ASB3: variants seen among roughly 807,000 people sequenced by gnomAD.
The protein encoded by ASB3 is ankyrin repeat and SOCS box protein 3.
A neutral mutation model predicts 54.5 loss-of-function variants in ASB3; 41 were observed. The ratio of observed to expected loss-of-function variants is 0.75; its 90% CI spans 0.59 to 0.98. The LOEUF (loss-of-function observed/expected upper bound fraction) is 0.98, where lower values mean the gene tolerates loss of function less well. ASB3 is among the 50% of genes least tolerant of loss of function. The probability of loss-of-function intolerance (pLI) is 0.00; values close to 1 mark genes in which losing one functional copy is unlikely to be tolerated. For missense variants in ASB3, 733 were observed against 620.0 expected (o/e 1.18, Z -1.94); for synonymous variants, 266 against 221.2 (o/e 1.20, Z -1.80).
At chr2:53,693,721 A>C (rs111362879) in intron 9 of ASB3, among the ~76,000 whole-genome samples, 163 bp downstream of exon 9, 1,701 of 152,258 alleles carry the variant, frequency 0.011, 39 homozygotes, top group African/African-American at 0.037. Flanking sequence ...GAAGGGAATT[A>C]CTAGCCATCC....
At chr2:53,684,584 A>G (rs1301426330) in intron 9 of ASB3, among the ~76,000 whole-genome samples, 1 of 152,180 alleles carries the variant, frequency 6.6e-6, no homozygotes, top group Non-Finnish European at 1.5e-5. Context: ...CCATCAACCA[A>G]TCTTCAAACA....
At chr2:53,680,159 G>C (rs1668292168) in intron 9 of ASB3, among the ~76,000 whole-genome samples, 1 of 152,114 alleles carries the variant, frequency 6.6e-6, no homozygotes, top group Non-Finnish European at 1.5e-5. Flanking sequence ...GGGCATTTAG[G>C]TTGATTCCAT....
chr2:53,778,529 C>T (rs1191666278), intron 1 of ASB3, among the ~76,000 whole-genome samples: 2 of 152,188 alleles, frequency 1.3e-5, no homozygotes. Context: ...TGACTATCAT[C>T]TCCCCATTCC....
At chr2:53,690,889 T>C (rs1668876418) in intron 9 of ASB3, among the ~76,000 whole-genome samples, 2 of 152,200 alleles carry the variant, frequency 1.3e-5, no homozygotes, top group African/African-American at 2.4e-5. Context: ...GATCCATTTG[T>C]AACACTCTGG....
At chr2:53,691,102 C>A (rs1255711693) in intron 9 of ASB3, among the ~76,000 whole-genome samples, 3 of 152,168 alleles carry the variant, frequency 2.0e-5, no homozygotes, top group African/African-American at 7.2e-5. Context: ...AAACTGCAAC[C>A]ACTCACTAAA....
intron 7 of ASB3, among the ~76,000 whole-genome samples, chr2:53,702,175 C>A (rs1452527407): frequency 6.6e-6 from 1 of 152,076 alleles, no homozygotes; most frequent in Non-Finnish European, 1.5e-5. Flanking sequence ...AAGAGTAAAT[C>A]CCAAAAGGCT....
intron 3 of ASB3, among the ~76,000 whole-genome samples, chr2:53,736,197 A>G (rs996181727): frequency 4.6e-5 from 7 of 152,208 alleles, no homozygotes; most frequent in African/African-American, 1.7e-4. Flanking sequence ...GAACTTCACA[A>G]AGGAGGATAT....
chr2:53,672,692 T>C (rs1297430021), intron 9 of ASB3, among the ~76,000 whole-genome samples: 2 of 152,222 alleles, frequency 1.3e-5, no homozygotes, highest in African/African-American at 4.8e-5. Context: ...TTTATTTATG[T>C]ATTTTTTACT....
At chr2:53,757,117 A>G (rs12616124) in intron 2 of ASB3, among the ~76,000 whole-genome samples, 12,066 of 152,218 alleles carry the variant, frequency 0.079, 534 homozygotes, top group East Asian at 0.18. Context: ...CCACAAAGGG[A>G]CCTCAAAAGC....
intron 9 of ASB3, among the ~76,000 whole-genome samples, chr2:53,675,337 T>C (rs1230044309): frequency 6.6e-6 from 1 of 152,186 alleles, no homozygotes; most frequent in Non-Finnish European, 1.5e-5. Flanking sequence ...TTATTTGTAC[T>C]ATAAAATAAA....
chr2:53,690,214 C>A (rs1668835276), intron 9 of ASB3, among the ~76,000 whole-genome samples: 1 of 151,774 alleles, frequency 6.6e-6, no homozygotes. Flanking sequence ...CCAGCCTGGT[C>A]AACAGAACAA....
chr2:53,771,438 G>C (rs746695960), intron 1 of ASB3, among the ~76,000 whole-genome samples: 45 of 152,122 alleles, frequency 3.0e-4, no homozygotes, highest in African/African-American at 9.9e-4. Flanking sequence ...GCTTGAGCCC[G>C]AGAGTTGGAG....
In ASB3 at chr2:53,751,268, T is replaced by C. The variant is rs562459519; in HGVS notation, c.197-327A>G. Reference sequence around the variant, plus strand: ...CTGAGGAGGATGCAGCACTAAATATTTGCTTAAACAGAATTTATCGAAATA... The same window carrying C: ...CTGAGGAGGATGCAGCACTAAATATCTGCTTAAACAGAATTTATCGAAATA... On this transcript the variant is annotated intron_variant, in intron 2 of 9. Coordinates refer to ENST00000263634, the MANE Select transcript of ASB3 (RefSeq NM_016115.5). Among the ~76,000 whole-genome samples, 3 of 152,276 alleles carry C rather than the reference T, an allele frequency of 2.0e-5. No homozygotes were observed. In the South Asian group the frequency reaches 6.2e-4, roughly 32 times the overall value.
intron 2 of ASB3, 77 bp downstream of exon 2, chr2:53,765,300 A>T: frequency 1.3e-6 from 2 of 1,565,318 alleles, no homozygotes; most frequent in South Asian, 1.2e-5. Flanking sequence ...TACTGTTAAT[A>T]AGTTATGTAT....
chr2:53,712,755 C>T (rs1479013153), intron 7 of ASB3, among the ~76,000 whole-genome samples: 3 of 151,866 alleles, frequency 2.0e-5, no homozygotes, highest in African/African-American at 4.8e-5. Context: ...AACACACACA[C>T]ACACACACAC....
chr2:53,723,254 T>C (rs569678855), intron 5 of ASB3, among the ~76,000 whole-genome samples: 4 of 152,302 alleles, frequency 2.6e-5, no homozygotes, highest in East Asian at 3.9e-4. Context: ...TTTTAAAAAA[T>C]ACCCATACTG....
intron 3 of ASB3, among the ~76,000 whole-genome samples, chr2:53,738,986 C>A (rs1039205785): frequency 6.6e-6 from 1 of 152,096 alleles, no homozygotes; most frequent in Non-Finnish European, 1.5e-5. Flanking sequence ...AAAGCCAGAA[C>A]CTCTGAGGGT....
At chr2:53,675,290 T>A (rs1483522845) in intron 9 of ASB3, among the ~76,000 whole-genome samples, 15 of 152,092 alleles carry the variant, frequency 9.9e-5, no homozygotes, top group Admixed American at 9.8e-4. Flanking sequence ...CAATATATAT[T>A]TTACATATAA....
chr2:53,748,852 G>T (rs186382162), intron 3 of ASB3, among the ~76,000 whole-genome samples: 2 of 152,164 alleles, frequency 1.3e-5, no homozygotes, highest in African/African-American at 2.4e-5. Flanking sequence ...CGAAAAAATT[G>T]AATGAGGGCT....
Sources: gnomAD v4.1 joint callset for allele counts (sites outside exome capture counted in the v4.1 genomes callset) on GRCh38, gnomAD v4.1.1 for gene constraint, MANE v1.5 for transcripts, NCBI Gene and HGNC (gene_info 2026-07-23, HGNC 2026-07-21) for gene names.